Variants in TMEM267 observed in about 807,000 individuals in gnomAD.
TMEM267 encodes the protein transmembrane protein 267.
TMEM267 carries 20 observed loss-of-function variants against 19.3 expected under a neutral mutation model. The observed-to-expected ratio is 1.04, with a 90% CI of 0.73 to 1.51. The LOEUF is 1.51. Among genes scored for constraint, TMEM267 ranks in the 40% most tolerant of loss-of-function variants. The pLI is 0.00. For synonymous variants in TMEM267, 88 were observed against 90.3 expected (o/e 0.97, Z 0.15); for missense variants, 242 against 261.9 (o/e 0.92, Z 0.52).
intron 1 of TMEM267, among the ~76,000 whole-genome samples, chr5:43,466,970 G>A (rs968498657): frequency 1.3e-5 from 2 of 151,844 alleles, no homozygotes; most frequent in African/African-American, 4.8e-5. Context: ...CCAACATGAT[G>A]AAATCCTGTC....
At chr5:43,467,089 C>A (rs1372596219) in intron 1 of TMEM267, among the ~76,000 whole-genome samples, 3 of 135,700 alleles carry the variant, frequency 2.2e-5, no homozygotes, top group Non-Finnish European at 4.5e-5. Context: ...GTGGGGGTTG[C>A]AGTGAGCTGA....
chr5:43,468,807 C>T (rs936370021), intron 1 of TMEM267, among the ~76,000 whole-genome samples: 1 of 152,146 alleles, frequency 6.6e-6, no homozygotes, highest in African/African-American at 2.4e-5. Flanking sequence ...CATGGATATT[C>T]TCAGGGATAG....
intron 2 of TMEM267, among the ~76,000 whole-genome samples, chr5:43,448,266 G>A (rs1413293132): frequency 6.6e-6 from 1 of 152,110 alleles, no homozygotes; most frequent in Non-Finnish European, 1.5e-5. Flanking sequence ...TACTTCATCA[G>A]AACATGTACC....
intron 1 of TMEM267, among the ~76,000 whole-genome samples, chr5:43,482,282 C>T (rs1744833505): frequency 6.6e-6 from 1 of 151,152 alleles, no homozygotes; most frequent in South Asian, 2.1e-4. Context: ...TATTCTACTC[C>T]AACTTTTGGT....
At chr5:43,459,021 C>A (rs6862102) in intron 1 of TMEM267, among the ~76,000 whole-genome samples, 88,435 of 151,142 alleles carry the variant, frequency 0.59, 28,429 homozygotes, top group African/African-American at 0.84. Flanking sequence ...AATTATCTTC[C>A]AAAGAAAGAG....
At chr5:43,474,406 C>T (rs1405451562) in intron 1 of TMEM267, among the ~76,000 whole-genome samples, 3 of 152,090 alleles carry the variant, frequency 2.0e-5, no homozygotes, top group Non-Finnish European at 4.4e-5. Context: ...AACCAATTTA[C>T]AAGAAAAAAG....
chr5:43,449,574 A>C (rs1328812582), intron 2 of TMEM267, among the ~76,000 whole-genome samples: 1 of 152,238 alleles, frequency 6.6e-6, no homozygotes, highest in Non-Finnish European at 1.5e-5. Context: ...ATAATGATAA[A>C]AGAACAGTTT....
intron 1 of TMEM267, among the ~76,000 whole-genome samples, chr5:43,471,243 G>A (rs1289926168): frequency 6.6e-6 from 1 of 151,870 alleles, no homozygotes; most frequent in African/African-American, 2.4e-5. Context: ...AGAAGTGAAA[G>A]ATTTCTATAA....
At position 43,446,453 on chromosome 5, in the gene TMEM267, G is replaced by A. The variant is rs755932050; in HGVS notation, c.417C>T (p.Asp139=). Residue 139 remains aspartate (D), a synonymous_variant, in exon 3 of 3, where the codon GAC becomes GAT. Coordinates refer to ENST00000397080, the MANE Select transcript of TMEM267 (RefSeq NM_022483.5). ...KFTMHLFKLK[D]SWCFLPWMLF... ...ACATCCAGGGAAGAAAGCACCATGA[G>A]TCTTTGAGCTTGAAAAGGTGCATAG... 20 of 1,613,664 alleles carry A rather than the reference G, an allele frequency of 1.2e-5. No individual in the cohort carries two copies. The highest frequency in any genetic ancestry group is 2.2e-5 in the East Asian group (1 of 44,872).
Position 43,480,105 on chromosome 5 carries a change from G to C in TMEM267, c.-75+3717C>G, listed in dbSNP as rs918741564. The C allele has an allele frequency of 3.2e-5, 8 of 253,376 alleles. No homozygotes were observed. The Admixed American group carries it at 4.2e-4, about 13-fold the overall frequency. The allele number at this position is 253,376 out of a possible 1,614,324, so 15.7% of individuals were successfully genotyped here. ...TTATCCACTTAGCTGGACTGAAACA[G>C]GGACACTGAAAACTTGAATTAATGG... is the stretch of plus-strand genomic sequence containing the variant. On this transcript the variant is annotated intron_variant, in intron 1 of 2. Transcript: ENST00000397080.
chr5:43,449,580 A>G (rs1049808443), intron 2 of TMEM267, among the ~76,000 whole-genome samples: 1 of 152,236 alleles, frequency 6.6e-6, no homozygotes, highest in African/African-American at 2.4e-5. Context: ...ATAAAAGAAC[A>G]GTTTTTAAGC....
chr5:43,450,677 GCTT>G lies in TMEM267; in HGVS notation c.312+2978_312+2980del, dbSNP rs781650074. Among the ~76,000 whole-genome samples the G allele has an allele frequency of 3.1e-4, 47 of 152,248 alleles. 1 individual carries two copies. In the East Asian group the frequency reaches 4.6e-3, roughly 15 times the overall value. ...TATAGTTCATATTCTTAACAATAGT[GCTT>G]CTAAGTGAATTAAAGGATAAATACG... is the stretch of plus-strand genomic sequence containing the variant. On this transcript the variant is annotated intron_variant, in intron 2 of 2. Coordinates refer to ENST00000397080, the MANE Select transcript of TMEM267 (RefSeq NM_022483.5).
chr5:43,465,981 GA>G (rs1015274946), intron 1 of TMEM267, among the ~76,000 whole-genome samples: 60 of 144,516 alleles, frequency 4.2e-4, no homozygotes, highest in African/African-American at 1.5e-3. Flanking sequence ...AAAAAGAAAA[GA>G]AAAAAAAAGA....
At chr5:43,452,585 T>TAAAA (rs35189144) in intron 2 of TMEM267, among the ~76,000 whole-genome samples, 4 of 123,884 alleles carry the variant, frequency 3.2e-5, no homozygotes, top group Non-Finnish European at 3.5e-5. Flanking sequence ...CCTAAATCCA[T>TAAAA]AAAAAAAAAA....
chr5:43,465,223 C>A (rs1479825444), intron 1 of TMEM267, among the ~76,000 whole-genome samples: 1 of 152,144 alleles, frequency 6.6e-6, no homozygotes, highest in Admixed American at 6.5e-5. Flanking sequence ...TCATCACTGG[C>A]CATCAGAGAA....
chr5:43,456,789 G>T (rs949093974), intron 1 of TMEM267, among the ~76,000 whole-genome samples: 1 of 152,254 alleles, frequency 6.6e-6, no homozygotes, highest in Non-Finnish European at 1.5e-5. Context: ...CTCATACGCT[G>T]CTGGTCGGAA....
chr5:43,470,791 G>A (rs4415083), intron 1 of TMEM267, among the ~76,000 whole-genome samples: 91,000 of 152,000 alleles, frequency 0.6, 29,516 homozygotes, highest in African/African-American at 0.85. Context: ...GGAAAGGATG[G>A]AGTCAAATTA....
chr5:43,471,752 G>C (rs1325845312), intron 1 of TMEM267, among the ~76,000 whole-genome samples: 1 of 152,148 alleles, frequency 6.6e-6, no homozygotes, highest in Non-Finnish European at 1.5e-5. Context: ...GCAGAAGAAT[G>C]AAAGTAGACC....
chr5:43,468,522 T>A (rs139075639), intron 1 of TMEM267, among the ~76,000 whole-genome samples: 5 of 152,070 alleles, frequency 3.3e-5, no homozygotes, highest in Non-Finnish European at 5.9e-5. Context: ...AAAAGTGAGG[T>A]TGGGCATTAC....
Sources: gnomAD v4.1 joint callset for allele counts (sites outside exome capture counted in the v4.1 genomes callset) on GRCh38, gnomAD v4.1.1 for gene constraint, MANE v1.5 for transcripts, NCBI Gene and HGNC (gene_info 2026-07-23, HGNC 2026-07-21) for gene names.